Variants in TRPM4 observed in about 807,000 individuals in gnomAD.
TRPM4 encodes the protein transient receptor potential cation channel subfamily M member 4.
Under a neutral mutation model 135.6 loss-of-function variants are expected in TRPM4, and 124 were observed. The observed-to-expected ratio is 0.91, with a 90% CI of 0.79 to 1.06. The LOEUF (loss-of-function observed/expected upper bound fraction) is 1.06. TRPM4 is among the 50% of genes least tolerant of loss of function. The pLI is 0.00. For synonymous variants in TRPM4, 745 were observed against 705.6 expected (o/e 1.06, Z -0.88); for missense variants, 1,658 against 1,671.4 (o/e 0.99, Z 0.14).
rs775918451 is a variant in TRPM4 at position 49,194,651 on chromosome 19, TTC to T, written c.2211-1781_2211-1780del. Among the ~76,000 whole-genome samples, 569 of 92,520 alleles carry T rather than the reference TTC, an allele frequency of 6.2e-3. 3 individuals carry two copies. Among genetic ancestry groups the T allele is most frequent in the African/African-American group, 0.025 (464 of 18,520 alleles). 60.7% of individuals were successfully genotyped at this position (92,520 alleles called of 152,430 possible). On this transcript the variant is annotated intron_variant, in intron 16 of 24. Coordinates refer to ENST00000252826, the MANE Select transcript of TRPM4 (RefSeq NM_017636.4). ...TCCTTCCCTTTCTTTCTCTCTCTCT[TTC>T]TCTCTCTGTCCCTCCCTCCCTTCCT...
rs745504895 is a variant in TRPM4, at chr19:49,166,264, C to T, written c.267+49C>T. ...GGCCCGGGCACCAGGGGGCTGCATG[C>T]TCGGGGCTCCAGAGTGGAGCCGGGA... On this transcript the variant is annotated intron_variant, in intron 3 of 24. Transcript: ENST00000252826. 34 of 1,535,746 alleles carry T rather than the reference C, an allele frequency of 2.2e-5. No homozygotes were observed. In the South Asian group the frequency reaches 2.8e-4, roughly 13 times the overall value.
chr19:49,203,355 A>AT (rs1162101325), intron 20 of TRPM4, among the ~76,000 whole-genome samples: 28 of 150,426 alleles, frequency 1.9e-4, no homozygotes, highest in South Asian at 1.0e-3. Context: ...AATTTTTTGT[A>AT]TTTTTAGTAG....
intron 17 of TRPM4, among the ~76,000 whole-genome samples, chr19:49,198,736 A>G (rs914463309): frequency 1.3e-5 from 2 of 150,690 alleles, no homozygotes; most frequent in Non-Finnish European, 2.9e-5. Context: ...AGTTCCCTCT[A>G]GATGGACATT....
At chr19:49,204,124 AAAG>A (rs1332881555) in intron 20 of TRPM4, among the ~76,000 whole-genome samples, 1 of 151,956 alleles carries the variant, frequency 6.6e-6, no homozygotes, top group Non-Finnish European at 1.5e-5. Context: ...CATCTCAAAA[AAAG>A]AAGACCACAT....
rs756855729 is a variant in TRPM4, at chr19:49,210,340, T to G, written c.3263T>G (p.Leu1088Arg). ...ATCGTCATCTCCCACTTGCGCCTCC[T>G]GCTCAGGCAATTGTGCAGGCGACCC... ...PFIVISHLRL[L>R]LRQLCRRPRS... Residue 1088 changes from leucine to arginine, a missense_variant, in exon 21 of 25, where the codon CTG becomes CGG. Around this residue, in one of 3 missense-constraint regions of TRPM4, gnomAD observed 1,412 missense variants for 1,408.7 expected, o/e 1.00. Coordinates refer to ENST00000252826, the MANE Select transcript of TRPM4 (RefSeq NM_017636.4). This position sits in a 1 kb window ranked among gnomAD's most constrained non-coding sequence, Gnocchi z 4.1. The G allele has an allele frequency of 2.5e-6, 4 of 1,614,106 alleles. No homozygotes were observed. In the African/African-American group the frequency reaches 4.0e-5, roughly 16 times the overall value.
At chr19:49,197,309 T>TCC (rs1568485745) in intron 17 of TRPM4, among the ~76,000 whole-genome samples, 1 of 38,382 alleles carries the variant, frequency 2.6e-5, no homozygotes, top group Non-Finnish European at 5.1e-5. Context: ...TTTCTTTCTT[T>TCC]TTCTTTCTTT....
intron 20 of TRPM4, among the ~76,000 whole-genome samples, chr19:49,205,081 C>G (rs1041810116): frequency 6.7e-6 from 1 of 150,236 alleles, no homozygotes; most frequent in Non-Finnish European, 1.5e-5. Flanking sequence ...CTTGGCCTTC[C>G]AAAGTGCTGG....
At position 49,188,650 on chromosome 19, in the gene TRPM4, G is replaced by A; in HGVS notation, c.1753G>A (p.Ala585Thr). The stretch of plus-strand genomic sequence containing the variant: ...CTCTTTGTCTCTCCAGGGTTCCAAT[G>A]CAGTTTCCTCAGCTCTTGGGGCCTG... ...AMYFWEMGSN[A>T]VSSALGACLL... The change falls in exon 13 of 25, where the codon GCA becomes ACA. Residue 585 changes from alanine (A) to threonine (T), a missense_variant. Ala to Thr is a moderately conservative substitution (Grantham distance 58, BLOSUM62 0). Coordinates refer to ENST00000252826, the MANE Select transcript of TRPM4 (RefSeq NM_017636.4). 1 of 1,614,154 alleles carries A rather than the reference G, an allele frequency of 6.2e-7. No individual in the cohort carries two copies. The highest frequency in any genetic ancestry group is 8.5e-7 in the Non-Finnish European group (1 of 1,180,044).
intron 2 of TRPM4, among the ~76,000 whole-genome samples, chr19:49,161,692 C>T (rs577407792): frequency 1.5e-4 from 23 of 150,362 alleles, no homozygotes; most frequent in Non-Finnish European, 2.8e-4. Flanking sequence ...TGCAGTAGTG[C>T]GATCTCGGCT....
intron 16 of TRPM4, among the ~76,000 whole-genome samples, chr19:49,192,509 C>T (rs929204549): frequency 4.6e-5 from 7 of 152,100 alleles, no homozygotes; most frequent in South Asian, 2.1e-4. Flanking sequence ...TAAAAAAGAA[C>T]GAGATCATTT....
intron 2 of TRPM4, chr19:49,159,968 A>G (rs1471302347): frequency 1.3e-5 from 2 of 152,244 alleles, no homozygotes; most frequent in Non-Finnish European, 2.9e-5. Context: ...TGTGGTCAAG[A>G]CAATTTAGGA....
chr19:49,167,069 C>T (rs1967223548), intron 3 of TRPM4, among the ~76,000 whole-genome samples: 2 of 144,500 alleles, frequency 1.4e-5, no homozygotes, highest in Non-Finnish European at 1.5e-5. Flanking sequence ...TTTCTGTCCC[C>T]ATCTCTCTGG....
intron 12 of TRPM4, among the ~76,000 whole-genome samples, chr19:49,185,312 G>C (rs1968159129): frequency 6.6e-6 from 1 of 152,044 alleles, no homozygotes. Context: ...GCAGTGGTTT[G>C]ACCAAAGTTC....
intron 16 of TRPM4, among the ~76,000 whole-genome samples, chr19:49,194,788 G>A (rs978812577): frequency 3.3e-5 from 4 of 120,934 alleles, no homozygotes; most frequent in African/African-American, 9.5e-5. Context: ...TCTGAGACAA[G>A]GTCTCACTCT....
chr19:49,195,373 T>C (rs1032987632), intron 16 of TRPM4, among the ~76,000 whole-genome samples: 9 of 152,130 alleles, frequency 5.9e-5, no homozygotes, highest in Non-Finnish European at 1.2e-4. Context: ...TCTTCTTCTT[T>C]ATTTTTTTAT....
At chr19:49,187,005 C>A (rs1212483204) in intron 12 of TRPM4, among the ~76,000 whole-genome samples, 2 of 152,130 alleles carry the variant, frequency 1.3e-5, no homozygotes, top group Admixed American at 1.3e-4. Context: ...TAGGGCCACA[C>A]ACACAACCAC....
At chr19:49,161,126 G>T (rs1237112783) in intron 2 of TRPM4, among the ~76,000 whole-genome samples, 1 of 151,954 alleles carries the variant, frequency 6.6e-6, no homozygotes, top group Non-Finnish European at 1.5e-5. Context: ...GAAAGGTCTG[G>T]ACTAATGTCC....
In TRPM4 at chr19:49,210,464, G is replaced by A; in HGVS notation, c.3328+59G>A. ...ATAGGGGACCGGGAGCCTGGAAGGCGAGGGGAAGGGGGCATGCCCCAAATG... is the reference window on the plus strand; with the variant it reads ...ATAGGGGACCGGGAGCCTGGAAGGCAAGGGGAAGGGGGCATGCCCCAAATG... On this transcript the variant is annotated intron_variant, in intron 21 of 24. Transcript: ENST00000252826. This position sits in a 1 kb window ranked among gnomAD's most constrained non-coding sequence, Gnocchi z 4.1. 1 of 1,582,898 alleles carries A rather than the reference G, an allele frequency of 6.3e-7. No individual in the cohort carries two copies. The highest frequency in any genetic ancestry group is 1.1e-5 in the South Asian group (1 of 90,092).
rs1329402678 is a variant in TRPM4, at chr19:49,172,117, T to G, written c.1150+9T>G. 1 of 1,603,012 alleles carries G rather than the reference T, an allele frequency of 6.2e-7. No individual in the cohort carries two copies. Among genetic ancestry groups the G allele is most frequent in the Non-Finnish European group, 8.5e-7 (1 of 1,169,972 alleles). ...GAAGGCCCTTGTGAAGGGTAAAAGT[T>G]GTACCCTCCAGTCTTCCCCCTCTCT... On this transcript the variant is annotated intron_variant, in intron 9 of 24. Transcript: ENST00000252826.
Sources: allele counts gnomAD v4.1 joint callset (sites outside exome capture counted in the v4.1 genomes callset), GRCh38; gene constraint gnomAD v4.1.1; regional missense constraint gnomAD v4.1.1; non-coding constraint Gnocchi (gnomAD v3.1); transcripts MANE v1.5; gene names NCBI Gene and HGNC (gene_info 2026-07-23, HGNC 2026-07-21).